ANKRA2: variants seen among roughly 807,000 people sequenced by gnomAD.
ANKRA2 encodes the protein ankyrin repeat family A member 2.
Under a neutral mutation model 37.8 loss-of-function variants are expected in ANKRA2, and 33 were observed. That is an observed-to-expected ratio of 0.87 (90% CI 0.66 to 1.17). The LOEUF (loss-of-function observed/expected upper bound fraction) is 1.17, where lower values mean the gene tolerates loss of function less well. Among genes scored for constraint, ANKRA2 ranks in the 50% most tolerant of loss-of-function variants. The probability of loss-of-function intolerance (pLI) is 0.00; values close to 1 mark genes in which losing one functional copy is unlikely to be tolerated. For synonymous variants in ANKRA2, 126 were observed against 132.3 expected, an observed-to-expected ratio of 0.95 and a Z score of 0.33; for missense variants, 326 against 373.7, an observed-to-expected ratio of 0.87 and a Z score of 1.05.
chr5:73,561,339 T>C (rs1747549517), intron 2 of ANKRA2, 51 bp from the exon 3 acceptor site: 1 of 1,512,254 alleles, frequency 6.6e-7, no homozygotes. Context: ...GTAAGAGTTC[T>C]ATGTCAATGT....
At chr5:73,564,345 C>T (rs1271731431) in intron 1 of ANKRA2, among the ~76,000 whole-genome samples, 1 of 152,082 alleles carries the variant, frequency 6.6e-6, no homozygotes, top group Admixed American at 6.5e-5. Flanking sequence ...TCTGAGCACC[C>T]TGCATGTATC....
chr5:73,562,726 C>T lies in ANKRA2; in HGVS notation c.156G>A (p.Met52Ile), dbSNP rs1747587939. ...CAAATCGGTTAGGCAATATGAATTT[C>T]ATTCCCATGGCAACACCCTGAGCTG... ...EGSAQGVAMG[M>I]KFILPNRFDM... Residue 52 changes from methionine to isoleucine, a missense_variant, in exon 2 of 9, where the codon ATG (methionine) becomes ATA (isoleucine). Physicochemically the swap from Met to Ile is conservative, Grantham distance 10 (BLOSUM62 1). Around this residue, in one of 3 missense-constraint regions of ANKRA2, gnomAD observed 93 missense variants for 91.1 expected, o/e 1.02. Transcript: ENST00000296785. The T allele has an allele frequency of 1.9e-6, 3 of 1,614,190 alleles. No homozygotes were observed. The highest frequency in any genetic ancestry group is 1.7e-6 in the Non-Finnish European group (2 of 1,180,036).
At chr5:73,553,514 A>G (rs1469418957) in intron 7 of ANKRA2, 28 bp from the exon 8 acceptor site, 2 of 1,543,940 alleles carry the variant, frequency 1.3e-6, no homozygotes. Context: ...AACTACATAA[A>G]TGAAATGAAA....
chr5:73,557,694 C>T, intron 3 of ANKRA2, 54 bp from the exon 4 acceptor site: 1 of 1,298,734 alleles, frequency 7.7e-7, no homozygotes, highest in Non-Finnish European at 1.1e-6. Context: ...ACACTTGCAT[C>T]ATCCCATGGT....
At position 73,554,944 on chromosome 5, in the gene ANKRA2, G is replaced by T; in HGVS notation, c.655C>A (p.Leu219Met). Residue 219 changes from leucine to methionine, a missense_variant, in exon 6 of 9, where the codon CTG becomes ATG. Coordinates refer to ENST00000296785, the MANE Select transcript of ANKRA2 (RefSeq NM_023039.5). The part of the protein sequence containing the change: ...QLLGKGRESA[L>M]SLACSKGYTD... ...TAGCCTTTACTACAGGCCAACGACA[G>T]TGCACTTTCTCGACCTTTTCCTAAA... The T allele has an allele frequency of 6.2e-7, 1 of 1,613,780 alleles. No homozygotes were observed. The highest frequency in any genetic ancestry group is 1.1e-5 in the South Asian group (1 of 91,056).
rs958519704 is a variant in ANKRA2, at chr5:73,555,068, T to G, written c.613-82A>C. ...TATTCCTGTCAACAATAATTATAGT[T>G]CAACACTAGGCCTGGTAATGTTCTG... On this transcript the variant is annotated intron_variant, in intron 5 of 8. Transcript: ENST00000296785. 6.5e-5 allele frequency: 100 copies of G among 1,543,542 alleles called. No individual in the cohort carries two copies. The South Asian group carries it at 1.1e-3, about 17-fold the overall frequency.
At chr5:73,563,123 G>T in intron 1 of ANKRA2, 138 bp from the exon 2 acceptor site, 1 of 322,634 alleles carries the variant, frequency 3.1e-6, no homozygotes, top group Non-Finnish European at 5.7e-6. Flanking sequence ...ATGTTCAGAG[G>T]TAGAGAAACC....
chr5:73,557,451 C>G, intron 4 of ANKRA2, 124 bp downstream of exon 4: 3 of 270,040 alleles, frequency 1.1e-5, no homozygotes, highest in East Asian at 6.2e-5. Flanking sequence ...ATTGGGTTAT[C>G]TGCCTGGTGA....
intron 1 of ANKRA2, 114 bp from the exon 2 acceptor site, chr5:73,563,099 A>G: frequency 1.0e-5 from 4 of 392,174 alleles, no homozygotes; most frequent in Non-Finnish European, 1.4e-5. Context: ...CCTACACATA[A>G]TAGAAAGAAT....
chr5:73,555,284 T>G, intron 5 of ANKRA2: 1 of 1,203,414 alleles, frequency 8.3e-7, no homozygotes, highest in Non-Finnish European at 1.1e-6. Flanking sequence ...TAGAGGGGTC[T>G]GGGCGTTAAA....
intron 6 of ANKRA2, 170 bp from the exon 7 acceptor site, chr5:73,554,558 C>CTTTTTTTTTTTTTTT: frequency 1.7e-6 from 1 of 573,022 alleles, no homozygotes; most frequent in Non-Finnish European, 3.0e-6. Context: ...ATGATATTAA[C>CTTTTTTTTTTTTTTT]TTTTTCTTCT....
intron 4 of ANKRA2, among the ~76,000 whole-genome samples, chr5:73,557,187 C>A (rs1024187011): frequency 1.3e-5 from 2 of 151,272 alleles, no homozygotes; most frequent in East Asian, 3.9e-4. Context: ...GTCTTTAATA[C>A]GTGCTTATAT....
At chr5:73,554,455 G>C (rs1747343631) in intron 6 of ANKRA2, 67 bp from the exon 7 acceptor site, 1 of 1,138,118 alleles carries the variant, frequency 8.8e-7, no homozygotes, top group Non-Finnish European at 1.3e-6. Context: ...TAATGCTGCT[G>C]TAAGAAGTTT....
chr5:73,564,574 T>A (rs979162843), intron 1 of ANKRA2, among the ~76,000 whole-genome samples: 2 of 152,274 alleles, frequency 1.3e-5, no homozygotes, highest in African/African-American at 4.8e-5. Context: ...GGCTTTCCAC[T>A]CCCAACATCG....
intron 8 of ANKRA2, among the ~76,000 whole-genome samples, 200 bp from the exon 9 acceptor site, chr5:73,553,052 T>C (rs1747294962): frequency 6.6e-6 from 1 of 152,226 alleles, no homozygotes; most frequent in African/African-American, 2.4e-5. Flanking sequence ...CTGTCCAAGT[T>C]ACTGGACGTT....
chr5:73,561,157 C>T lies in ANKRA2; in HGVS notation c.421G>A (p.Val141Ile), dbSNP rs1034098193. 1 of 1,613,610 alleles carries T rather than the reference C, an allele frequency of 6.2e-7. No individual in the cohort carries two copies. The highest frequency in any genetic ancestry group is 8.5e-7 in the Non-Finnish European group (1 of 1,179,882). The change falls in exon 3 of 9, where the codon GTC becomes ATC. Residue 141 changes from valine (V) to isoleucine (I), a missense_variant. Coordinates refer to ENST00000296785, the MANE Select transcript of ANKRA2 (RefSeq NM_023039.5). ...TLTNKHRGNEVSTTPLLANSL... is the reference protein window; with the variant it reads ...TLTNKHRGNEISTTPLLANSL... ...TTTGCTAACAGAGGTGTGGTAGAGA[C>T]CTCATTTCCTCTGTGTTTGTTGGTT...
Position 73,554,346 on chromosome 5 carries a change from CAT to C in ANKRA2, c.779_780del (p.His260ArgfsTer13), listed in dbSNP as rs1372653466. The C allele has an allele frequency of 2.5e-6, 4 of 1,613,708 alleles. No individual in the cohort carries two copies. The highest frequency in any genetic ancestry group is 1.1e-5 in the South Asian group (1 of 91,018). On this transcript the variant is annotated frameshift_variant, in exon 7 of 9. Coordinates refer to ENST00000296785, the MANE Select transcript of ANKRA2 (RefSeq NM_023039.5). LOFTEE classifies it high-confidence loss of function. ...CCTAAGAGCATCTTTACACATTTCA[CAT>C]GATTTCCATGTACAGCATAAAGCAG... The part of the protein sequence containing the change: ...TPLLYAVHGN[H>X]VKCVKMLLES...
chr5:73,555,471 T>C lies in ANKRA2; in HGVS notation c.612+17A>G. 1.9e-6 allele frequency: 3 copies of C among 1,612,170 alleles called. No homozygotes were observed. The highest frequency in any genetic ancestry group is 2.5e-6 in the Non-Finnish European group (3 of 1,178,434). On this transcript the variant is annotated intron_variant, in intron 5 of 8. Coordinates refer to ENST00000296785, the MANE Select transcript of ANKRA2 (RefSeq NM_023039.5). ...TAAGTAACTATACATATACATTTTC[T>C]GAGGCATTTTCCTTACATTCTGAAG...
chr5:73,555,104 A>C, intron 5 of ANKRA2, 118 bp from the exon 6 acceptor site: 1 of 1,470,728 alleles, frequency 6.8e-7, no homozygotes, highest in East Asian at 2.4e-5. Context: ...GGCTTAATAA[A>C]GAAATAATGG....
Sources: allele counts gnomAD v4.1 joint callset (sites outside exome capture counted in the v4.1 genomes callset), GRCh38; gene constraint gnomAD v4.1.1; regional missense constraint gnomAD v4.1.1; transcripts MANE v1.5; gene names NCBI Gene and HGNC (gene_info 2026-07-23, HGNC 2026-07-21).